The following ULK4 variants were observed in gnomAD, a reference collection of about 807,000 sequenced individuals.
The protein encoded by ULK4 is inactive serine/threonine-protein kinase ULK4.
Under a neutral mutation model 160.6 loss-of-function variants are expected in ULK4, and 133 were observed. That is an observed-to-expected ratio of 0.83 (90% CI 0.72 to 0.96). The LOEUF is 0.96. Ranked by LOEUF, ULK4 falls within the 40% of genes least tolerant of loss-of-function variation. The pLI, the probability that ULK4 is intolerant of heterozygous loss-of-function variation, is 0.00. For missense variants in ULK4, 1,580 were observed against 1,499.5 expected (o/e 1.05, Z -0.89); for synonymous variants, 534 against 539.8 (o/e 0.99, Z 0.15).
intron 32 of ULK4, among the ~76,000 whole-genome samples, chr3:41,489,941 AG>A (rs1284956142): frequency 1.3e-5 from 2 of 152,224 alleles, no homozygotes; most frequent in African/African-American, 4.8e-5. Context: ...TTCAGAGGAC[AG>A]GACTCCCAAA....
chr3:41,691,927 C>A (rs2036313053), intron 27 of ULK4, among the ~76,000 whole-genome samples: 1 of 144,322 alleles, frequency 6.9e-6, no homozygotes, highest in African/African-American at 2.6e-5. Flanking sequence ...TAAAAATTAT[C>A]TTCATCAAAT....
At chr3:41,327,529 A>C (rs921513248) in intron 35 of ULK4, among the ~76,000 whole-genome samples, 3 of 152,186 alleles carry the variant, frequency 2.0e-5, no homozygotes, top group African/African-American at 7.2e-5. Context: ...CTGCTTCCAA[A>C]TTCCTGATTA....
chr3:41,867,124 G>A lies in ULK4; in HGVS notation c.1656+16750C>T, dbSNP rs571315758. Among the ~76,000 whole-genome samples, 164 of 152,018 alleles carry A rather than the reference G, an allele frequency of 1.1e-3. 2 individuals carry two copies. The highest frequency in any genetic ancestry group is 5.5e-3 in the Admixed American group (84 of 15,272). Reference sequence around the variant, plus strand: ...AATTTTTTATCTATTGTTACTTATCGAGTTCATTGAGTTCAGCTCTTACTT... The same window carrying A: ...AATTTTTTATCTATTGTTACTTATCAAGTTCATTGAGTTCAGCTCTTACTT... On this transcript the variant is annotated intron_variant, in intron 17 of 36. Transcript: ENST00000301831.
intron 19 of ULK4, among the ~76,000 whole-genome samples, chr3:41,804,498 T>A (rs1345675669): frequency 6.6e-6 from 1 of 150,916 alleles, no homozygotes; most frequent in African/African-American, 2.4e-5. Context: ...TAGATCCCAT[T>A]TGTCAATTTT....
intron 27 of ULK4, among the ~76,000 whole-genome samples, chr3:41,684,499 G>A (rs989342078): frequency 1.3e-5 from 2 of 152,186 alleles, no homozygotes; most frequent in Non-Finnish European, 2.9e-5. Context: ...GCATCCAGAA[G>A]GTGGGAATTC....
intron 35 of ULK4, among the ~76,000 whole-genome samples, chr3:41,355,344 A>G (rs2081008972): frequency 6.6e-6 from 1 of 152,188 alleles, no homozygotes. Flanking sequence ...CTCCAAACCC[A>G]AAAATGCTCT....
At chr3:41,947,851 C>T (rs1003985668) in intron 2 of ULK4, among the ~76,000 whole-genome samples, 1 of 152,068 alleles carries the variant, frequency 6.6e-6, no homozygotes, top group African/African-American at 2.4e-5. Flanking sequence ...ATCATTTCGC[C>T]CTCTAACACA....
chr3:41,354,505 TC>T, intron 35 of ULK4, among the ~76,000 whole-genome samples: 1 of 152,190 alleles, frequency 6.6e-6, no homozygotes, highest in Non-Finnish European at 1.5e-5. Flanking sequence ...TGCAGATAGT[TC>T]TCATTTAATT....
chr3:41,593,982 T>G (rs1575462312), intron 31 of ULK4, among the ~76,000 whole-genome samples: 1 of 151,148 alleles, frequency 6.6e-6, no homozygotes, highest in African/African-American at 2.4e-5. Context: ...GAGGCGGAGG[T>G]TGCAGTGAGC....
intron 21 of ULK4, among the ~76,000 whole-genome samples, chr3:41,770,065 A>G (rs2039301538): frequency 6.6e-6 from 1 of 152,250 alleles, no homozygotes; most frequent in Non-Finnish European, 1.5e-5. Flanking sequence ...CAAGTACCTA[A>G]GTAAAATGTC....
chr3:41,512,332 A>C (rs2125925001), intron 32 of ULK4, among the ~76,000 whole-genome samples: 1 of 152,324 alleles, frequency 6.6e-6, no homozygotes, highest in Non-Finnish European at 1.5e-5. Context: ...AGATAAAGTC[A>C]AACTGTCGCT....
At chr3:41,624,747 T>A (rs1407392371) in intron 30 of ULK4, among the ~76,000 whole-genome samples, 2 of 152,230 alleles carry the variant, frequency 1.3e-5, no homozygotes, top group African/African-American at 4.8e-5. Flanking sequence ...TTCATCCTTA[T>A]CGTCACAAAT....
At position 41,886,388 on chromosome 3, in the gene ULK4, A is replaced by T. The variant is rs569283203; in HGVS notation, c.1578-2436T>A. Among the ~76,000 whole-genome samples the T allele has an allele frequency of 4.6e-5, 7 of 152,258 alleles. No homozygotes were observed. The East Asian group carries it at 1.2e-3, about 25-fold the overall frequency. The stretch of plus-strand genomic sequence containing the variant: ...GAACAGTTTGTTGAATAAATATATC[A>T]ACATCAAAAGCAAAATAACTGAACA... On this transcript the variant is annotated intron_variant, in intron 16 of 36. Coordinates refer to ENST00000301831, the MANE Select transcript of ULK4 (RefSeq NM_017886.4).
Position 41,453,388 on chromosome 3 carries a change from G to T in ULK4, c.3492+2109C>A, listed in dbSNP as rs568861991. On this transcript the variant is annotated intron_variant, in intron 34 of 36. Coordinates refer to ENST00000301831, the MANE Select transcript of ULK4 (RefSeq NM_017886.4). The stretch of plus-strand genomic sequence containing the variant: ...GACGGAGTCCTGCTATGTTGCCTAG[G>T]CTAGTCTCAAATGCCAGGACCCAAT... Among the ~76,000 whole-genome samples the T allele has an allele frequency of 1.2e-3, 181 of 151,982 alleles. 1 individual carries two copies. Among genetic ancestry groups the T allele is most frequent in the South Asian group, 2.9e-3 (14 of 4,794 alleles).
At position 41,455,532 on chromosome 3, in the gene ULK4, G is replaced by T; in HGVS notation, c.3457C>A (p.Pro1153Thr). 1 of 1,614,034 alleles carries T rather than the reference G, an allele frequency of 6.2e-7. No homozygotes were observed. Among genetic ancestry groups the T allele is most frequent in the Non-Finnish European group, 8.5e-7 (1 of 1,179,928 alleles). ...AGCAGGCTAATCAGGTCTGTCAGAG[G>T]TCTGTTGAGCAGCAGCAGGTCTTCT... ...AAEDLLLLNR[P>T]LTDLISLLIP... Residue 1153 changes from proline to threonine, a missense_variant, in exon 34 of 37, where the codon CCT (proline) becomes ACT (threonine). Physicochemically the swap from Pro to Thr is conservative, Grantham distance 38. Coordinates refer to ENST00000301831, the MANE Select transcript of ULK4 (RefSeq NM_017886.4).
In ULK4 at chr3:41,345,834, A is replaced by G. The variant is rs139320191; in HGVS notation, c.3678+52245T>C. 1.6e-3 allele frequency among the ~76,000 whole-genome samples: 244 copies of G among 152,318 alleles called. 3 individuals are homozygous for G. Among genetic ancestry groups the G allele is most frequent in the African/African-American group, 5.6e-3 (232 of 41,568 alleles). Reference sequence around the variant, plus strand: ...AAAAATGTACAAAACAAAGTCATGAATGCTACAATGGGAGTAGCACAGACA... The same window carrying G: ...AAAAATGTACAAAACAAAGTCATGAGTGCTACAATGGGAGTAGCACAGACA... On this transcript the variant is annotated intron_variant, in intron 35 of 36. Transcript: ENST00000301831.
chr3:41,572,035 A>C (rs1478193802), intron 31 of ULK4, among the ~76,000 whole-genome samples: 1 of 152,202 alleles, frequency 6.6e-6, no homozygotes, highest in African/African-American at 2.4e-5. Flanking sequence ...CTTCACCTAC[A>C]TCATCTCATT....
At chr3:41,663,764 T>C in intron 29 of ULK4, 65 bp from the exon 30 acceptor site, 3 of 1,301,478 alleles carry the variant, frequency 2.3e-6, no homozygotes, top group Non-Finnish European at 2.2e-6. Context: ...TTGAATTCTA[T>C]ATCCAGCCAA....
chr3:41,867,765 T>C (rs539992802), intron 17 of ULK4, among the ~76,000 whole-genome samples: 108 of 152,376 alleles, frequency 7.1e-4, no homozygotes, highest in Non-Finnish European at 1.3e-3. Context: ...TTTCAAGTTA[T>C]GAATTATTTC....
Sources: allele counts gnomAD v4.1 joint callset (sites outside exome capture counted in the v4.1 genomes callset), GRCh38; gene constraint gnomAD v4.1.1; transcripts MANE v1.5; gene names NCBI Gene and HGNC (gene_info 2026-07-23, HGNC 2026-07-21).